MTFMT: variants seen among roughly 807,000 people sequenced by gnomAD.
MTFMT encodes methionyl-tRNA formyltransferase, mitochondrial.
Under a neutral mutation model 51.8 loss-of-function variants are expected in MTFMT, and 47 were observed. The ratio of observed to expected loss-of-function variants is 0.91; its 90% CI spans 0.72 to 1.16. MTFMT has a LOEUF of 1.16. MTFMT is among the 50% of genes most tolerant of loss of function. The probability of loss-of-function intolerance (pLI) is 0.00; values close to 1 mark genes in which losing one functional copy is unlikely to be tolerated. For synonymous variants in MTFMT, 196 were observed against 176.7 expected, an observed-to-expected ratio of 1.11 and a Z score of -0.87; for missense variants, 512 against 482.3, an observed-to-expected ratio of 1.06 and a Z score of -0.58.
chr15:65,004,820 A>G (rs1220617146), intron 8 of MTFMT, 34 bp downstream of exon 8: 1 of 1,406,386 alleles, frequency 7.1e-7, no homozygotes, highest in Non-Finnish European at 9.9e-7. Flanking sequence ...ATAGTAAAAC[A>G]ACTATGATAA....
chr15:65,029,337 G>C, intron 1 of MTFMT, 68 bp downstream of exon 1: 1 of 1,347,068 alleles, frequency 7.4e-7, no homozygotes, highest in East Asian at 3.1e-5. Flanking sequence ...AAAACCCTCG[G>C]GGCCGGCCGC....
intron 7 of MTFMT, 129 bp from the exon 8 acceptor site, chr15:65,005,065 T>C (rs1322838707): frequency 3.1e-6 from 2 of 649,692 alleles, no homozygotes; most frequent in South Asian, 3.7e-5. Flanking sequence ...TTTGCTGATG[T>C]TGACTTTGTA....
intron 1 of MTFMT, among the ~76,000 whole-genome samples, chr15:65,028,887 G>T (rs1472723799): frequency 1.3e-5 from 2 of 152,070 alleles, no homozygotes; most frequent in Non-Finnish European, 2.9e-5. Context: ...GTCGTTTTTG[G>T]ACTATGTCCT....
chr15:65,010,597 G>A (rs1048887766), intron 6 of MTFMT, among the ~76,000 whole-genome samples: 6 of 152,064 alleles, frequency 3.9e-5, no homozygotes, highest in East Asian at 3.9e-4. Flanking sequence ...TTTTTTTAAC[G>A]CATCCCTCAG....
At chr15:65,023,436 T>C (rs1003623449) in intron 3 of MTFMT, among the ~76,000 whole-genome samples, 2 of 152,170 alleles carry the variant, frequency 1.3e-5, no homozygotes, top group Non-Finnish European at 2.9e-5. Flanking sequence ...ATATAACCTA[T>C]TTCAATTAAC....
rs2086394302 is a variant in MTFMT, at chr15:65,023,630, T to G, written c.542+42A>C. Reference sequence around the variant, plus strand: ...CCCCCAAACAGGCTGACATCAACATTTAAAAATCACAAAAATCTCAAGAAA... The same window carrying G: ...CCCCCAAACAGGCTGACATCAACATGTAAAAATCACAAAAATCTCAAGAAA... On this transcript the variant is annotated intron_variant, in intron 3 of 8. Coordinates refer to ENST00000220058, the MANE Select transcript of MTFMT (RefSeq NM_139242.4). The G allele has an allele frequency of 1.9e-6, 3 of 1,603,946 alleles. No homozygotes were observed. The East Asian group carries it at 6.8e-5, about 36-fold the overall frequency.
At chr15:65,010,840 T>C (rs967594812) in intron 6 of MTFMT, among the ~76,000 whole-genome samples, 3 of 152,244 alleles carry the variant, frequency 2.0e-5, no homozygotes, top group Admixed American at 6.5e-5. Context: ...CATGAATGTA[T>C]GAAGTTTCCA....
At chr15:65,024,985 G>A (rs2086409076) in intron 2 of MTFMT, among the ~76,000 whole-genome samples, 1 of 151,828 alleles carries the variant, frequency 6.6e-6, no homozygotes, top group Middle Eastern at 3.4e-3. Flanking sequence ...GAAGGTAAAT[G>A]CTCGGCAAAT....
intron 3 of MTFMT, 50 bp from the exon 4 acceptor site, chr15:65,021,666 T>C: frequency 7.3e-7 from 1 of 1,376,414 alleles, no homozygotes; most frequent in Non-Finnish European, 1.0e-6. Flanking sequence ...ATTTCCTGAA[T>C]CAATGTTTGT....
In MTFMT at chr15:65,028,383, C is replaced by T. The variant is rs985666410; in HGVS notation, c.209+1022G>A. On this transcript the variant is annotated intron_variant, in intron 1 of 8. Coordinates refer to ENST00000220058, the MANE Select transcript of MTFMT (RefSeq NM_139242.4). ...TGAGCTATGAGCCGGCCACTGCACT[C>T]CAGCCTGGGGGACAGCGCGAGACCT... is the stretch of plus-strand genomic sequence containing the variant. Among the ~76,000 whole-genome samples the T allele has an allele frequency of 4.6e-5, 7 of 152,306 alleles. No individual in the cohort carries two copies. The South Asian group carries it at 1.0e-3, about 23-fold the overall frequency.
At chr15:65,023,838 C>T (rs1381563794) in intron 2 of MTFMT, 44 bp from the exon 3 acceptor site, 2 of 1,544,706 alleles carry the variant, frequency 1.3e-6, no homozygotes, top group Non-Finnish European at 1.8e-6. Context: ...TGGGCTTTAC[C>T]ACTTCGTTAC....
rs12440520 is a variant in MTFMT at position 65,002,272 on chromosome 15, G to A, written c.*790C>T. 0.056 allele frequency: 8,557 copies of A among 151,536 alleles called. 399 individuals carry two copies. Among genetic ancestry groups the A allele is most frequent in the Admixed American group, 0.14 (2,111 of 15,216 alleles). 9.4% of individuals were successfully genotyped at this position (151,536 alleles called of 1,614,324 possible). ...AAAAAAATTAGCCAGGCATGGTGGC[G>A]GACGCCTGTAGTCCCAGCTACTTGG... On this transcript the variant is annotated 3_prime_UTR_variant, in exon 9 of 9. Coordinates refer to ENST00000220058, the MANE Select transcript of MTFMT (RefSeq NM_139242.4).
At position 65,004,844 on chromosome 15, in the gene MTFMT, A is replaced by G. The variant is rs1454122529; in HGVS notation, c.975+10T>C. The G allele has an allele frequency of 1.3e-6, 2 of 1,559,642 alleles. No individual in the cohort carries two copies. The highest frequency in any genetic ancestry group is 1.8e-6 in the Non-Finnish European group (2 of 1,141,120). On this transcript the variant is annotated intron_variant, in intron 8 of 8. Transcript: ENST00000220058. Reference sequence around the variant, plus strand: ...CAACTATGATAACTTGAAACTAATGAAAAACATACCTTGCAATAAACCAAT... The same window carrying G: ...CAACTATGATAACTTGAAACTAATGGAAAACATACCTTGCAATAAACCAAT...
intron 6 of MTFMT, among the ~76,000 whole-genome samples, chr15:65,007,537 A>C (rs182538777): frequency 4.7e-4 from 71 of 152,274 alleles, no homozygotes; most frequent in African/African-American, 1.6e-3. Flanking sequence ...TTGTCGATAT[A>C]TCTTTGAGGG....
At chr15:65,007,048 C>T (rs962399417) in intron 6 of MTFMT, among the ~76,000 whole-genome samples, 1 of 152,176 alleles carries the variant, frequency 6.6e-6, no homozygotes, top group Non-Finnish European at 1.5e-5. Context: ...GTGGCTCAGA[C>T]TAAGGGCCCG....
chr15:65,016,378 C>A, intron 6 of MTFMT, 58 bp downstream of exon 6: 1 of 932,770 alleles, frequency 1.1e-6, no homozygotes, highest in Non-Finnish European at 1.7e-6. Context: ...ATTTAGAAAG[C>A]AAATTACACA....
In MTFMT at chr15:65,002,916, T is replaced by C. The variant is rs2086187759; in HGVS notation, c.*146A>G. ...AGGCGGAGGTTGCAGTGAGCTGAGA[T>C]AGTGCCACTGGATTCCAGCCTGGGT... is the stretch of plus-strand genomic sequence containing the variant. On this transcript the variant is annotated 3_prime_UTR_variant, in exon 9 of 9. Coordinates refer to ENST00000220058, the MANE Select transcript of MTFMT (RefSeq NM_139242.4). The C allele has an allele frequency of 2.1e-6, 1 of 484,186 alleles. No individual in the cohort carries two copies. The highest frequency in any genetic ancestry group is 2.3e-5 in the African/African-American group (1 of 43,732). 30.0% of individuals were successfully genotyped at this position (484,186 alleles called of 1,614,324 possible). A position where few individuals can be genotyped will look rare whatever the true frequency, so the allele number is the denominator to read the frequency against.
chr15:65,014,068 T>C (rs2086294538), intron 6 of MTFMT, among the ~76,000 whole-genome samples: 1 of 152,216 alleles, frequency 6.6e-6, no homozygotes, highest in African/African-American at 2.4e-5. Flanking sequence ...TGTGCATCTA[T>C]ATTCAGGGAT....
At chr15:65,010,156 T>C (rs1326343484) in intron 6 of MTFMT, among the ~76,000 whole-genome samples, 2 of 152,210 alleles carry the variant, frequency 1.3e-5, no homozygotes, top group Non-Finnish European at 2.9e-5. Context: ...CCCTCAAACA[T>C]GTCCAACTCT....
Sources: gnomAD v4.1 joint callset for allele counts (sites outside exome capture counted in the v4.1 genomes callset) on GRCh38, gnomAD v4.1.1 for gene constraint, MANE v1.5 for transcripts, NCBI Gene and HGNC (gene_info 2026-07-23, HGNC 2026-07-21) for gene names.